BCAR3: variants seen among roughly 807,000 people sequenced by gnomAD.
BCAR3 encodes the protein BCAR3 adaptor protein, NSP family member, also known as breast cancer anti-estrogen resistance protein 3.
BCAR3 carries 37 observed loss-of-function variants against 80.1 expected under a neutral mutation model. That is an observed-to-expected ratio of 0.46 (90% CI 0.36 to 0.61). The LOEUF (loss-of-function observed/expected upper bound fraction) is 0.61. Ranked by LOEUF, BCAR3 falls within the 20% of genes least tolerant of loss-of-function variation. The probability of loss-of-function intolerance (pLI) is 0.00; values close to 1 mark genes in which losing one functional copy is unlikely to be tolerated. For missense variants in BCAR3, 978 were observed against 1,068.2 expected, an observed-to-expected ratio of 0.92 and a Z score of 1.18; for synonymous variants, 389 against 418.9, an observed-to-expected ratio of 0.93 and a Z score of 0.87.
At chr1:93,562,467 G>A (rs1281140282) in intron 11 of BCAR3, 48 bp from the exon 12 acceptor site, 2 of 1,582,414 alleles carry the variant, frequency 1.3e-6, no homozygotes, top group Non-Finnish European at 1.7e-6. Context: ...TGCCTAAGAT[G>A]TGTTAAAAAT....
chr1:93,769,640 C>T (rs1173476760), intron 2 of BCAR3, among the ~76,000 whole-genome samples: 1 of 151,980 alleles, frequency 6.6e-6, no homozygotes, highest in African/African-American at 2.4e-5. Flanking sequence ...CTCTCTTTCT[C>T]TCTAAGTTTG....
chr1:93,695,567 A>C (rs1649359673), intron 3 of BCAR3, among the ~76,000 whole-genome samples: 1 of 152,122 alleles, frequency 6.6e-6, no homozygotes, highest in Non-Finnish European at 1.5e-5. Context: ...GTTCCAGCTC[A>C]GCCAGTTAAG....
At chr1:93,814,332 T>G (rs1653946990) in intron 2 of BCAR3, among the ~76,000 whole-genome samples, 1 of 152,252 alleles carries the variant, frequency 6.6e-6, no homozygotes, top group Non-Finnish European at 1.5e-5. Flanking sequence ...ACTGGTTGTG[T>G]GACCTTAGGC....
At chr1:93,798,411 T>C (rs1653357331) in intron 2 of BCAR3, among the ~76,000 whole-genome samples, 1 of 152,120 alleles carries the variant, frequency 6.6e-6, no homozygotes, top group African/African-American at 2.4e-5. Flanking sequence ...GGGAGTCATG[T>C]TTGGAATGTC....
intron 3 of BCAR3, among the ~76,000 whole-genome samples, chr1:93,593,635 A>G (rs1456831829): frequency 6.6e-6 from 1 of 151,994 alleles, no homozygotes; most frequent in Non-Finnish European, 1.5e-5. Context: ...TTGGCCTCTC[A>G]AAGTGCTGGG....
At chr1:93,812,343 T>C (rs1001350091) in intron 2 of BCAR3, among the ~76,000 whole-genome samples, 2 of 152,052 alleles carry the variant, frequency 1.3e-5, no homozygotes, top group African/African-American at 4.8e-5. Flanking sequence ...AGTCTCCCCC[T>C]CTCCTATCTG....
At chr1:93,630,571 T>C (rs907201259) in intron 3 of BCAR3, among the ~76,000 whole-genome samples, 3 of 152,004 alleles carry the variant, frequency 2.0e-5, no homozygotes, top group Non-Finnish European at 4.4e-5. Flanking sequence ...GAGGCAGAAA[T>C]TACAGTGAGC....
intron 2 of BCAR3, among the ~76,000 whole-genome samples, chr1:93,756,043 G>A (rs1311757801): frequency 6.6e-6 from 1 of 152,090 alleles, no homozygotes; most frequent in Non-Finnish European, 1.5e-5. Context: ...TGGGCTTTGT[G>A]GCTCTCCTGT....
chr1:93,815,327 T>G (rs1653978729), intron 2 of BCAR3, among the ~76,000 whole-genome samples: 1 of 152,134 alleles, frequency 6.6e-6, no homozygotes, highest in Admixed American at 6.5e-5. Flanking sequence ...CTATGAGAAA[T>G]AAGCAGATCA....
At chr1:93,696,081 C>T (rs764389489) in intron 3 of BCAR3, among the ~76,000 whole-genome samples, 3 of 151,584 alleles carry the variant, frequency 2.0e-5, no homozygotes, top group Non-Finnish European at 4.4e-5. Context: ...TGCTTTGTCG[C>T]CCAGGCTGGA....
At chr1:93,822,305 G>A (rs956056401) in intron 2 of BCAR3, among the ~76,000 whole-genome samples, 5 of 150,684 alleles carry the variant, frequency 3.3e-5, no homozygotes, top group Non-Finnish European at 5.9e-5. Flanking sequence ...AGCCTCCCAA[G>A]TAGCTGAGAT....
chr1:93,631,215 C>A (rs192499349), intron 3 of BCAR3, among the ~76,000 whole-genome samples: 1 of 152,216 alleles, frequency 6.6e-6, no homozygotes, highest in Admixed American at 6.5e-5. Flanking sequence ...TCCCTCTACA[C>A]CTGTGTCTGG....
chr1:93,680,791 C>T (rs1211124119), intron 1 of BCAR3, among the ~76,000 whole-genome samples: 1 of 152,212 alleles, frequency 6.6e-6, no homozygotes, highest in African/African-American at 2.4e-5. Context: ...CGGAACACGC[C>T]GCCTTGCCAG....
chr1:93,799,767 G>A (rs894199458), intron 2 of BCAR3, among the ~76,000 whole-genome samples: 1 of 152,174 alleles, frequency 6.6e-6, no homozygotes, highest in Non-Finnish European at 1.5e-5. Flanking sequence ...TTAATATTTT[G>A]AAAAATAGTT....
At chr1:93,804,122 A>G (rs1290090779) in intron 2 of BCAR3, among the ~76,000 whole-genome samples, 1 of 152,238 alleles carries the variant, frequency 6.6e-6, no homozygotes, top group Non-Finnish European at 1.5e-5. Flanking sequence ...ACCAGCCTAT[A>G]CAACACAGTG....
intron 2 of BCAR3, among the ~76,000 whole-genome samples, chr1:93,663,836 A>G (rs1483649624): frequency 1.3e-5 from 2 of 152,208 alleles, no homozygotes; most frequent in Non-Finnish European, 2.9e-5. Flanking sequence ...TCAGTCTTTC[A>G]TTCACATCCT....
intron 9 of BCAR3, among the ~76,000 whole-genome samples, chr1:93,571,198 C>T (rs990546605): frequency 7.0e-5 from 10 of 142,682 alleles, no homozygotes; most frequent in East Asian, 2.1e-4. Flanking sequence ...AGCGAGACTT[C>T]GTTTAAAAAA....
Position 93,742,912 on chromosome 1 carries a change from G to A in BCAR3, c.-62-36770C>T, listed in dbSNP as rs182405731. On this transcript the variant is annotated intron_variant, in intron 2 of 13. Coordinates refer to the BCAR3 transcript ENST00000370244. ...ATATAAAGAAGGGAACTGAAGAAAG[G>A]GCATGTGTTGAAATGCCGCCTCTTT... is the stretch of plus-strand genomic sequence containing the variant. Among the ~76,000 whole-genome samples the A allele has an allele frequency of 6.2e-3, 941 of 152,222 alleles. 2 individuals carry two copies. Among genetic ancestry groups the A allele is most frequent in the Non-Finnish European group, 9.4e-3 (639 of 68,010 alleles).
At chr1:93,828,115 G>A (rs948340961) in intron 2 of BCAR3, among the ~76,000 whole-genome samples, 1 of 152,150 alleles carries the variant, frequency 6.6e-6, no homozygotes, top group Non-Finnish European at 1.5e-5. Context: ...CTGGGCTACA[G>A]AGCAAGACCC....
Sources: gnomAD v4.1 joint callset for allele counts (sites outside exome capture counted in the v4.1 genomes callset) on GRCh38, gnomAD v4.1.1 for gene constraint, MANE v1.5 for transcripts, NCBI Gene and HGNC (gene_info 2026-07-23, HGNC 2026-07-21) for gene names.